KCNJ6: variants seen among roughly 807,000 people sequenced by gnomAD.
KCNJ6 encodes potassium inwardly rectifying channel subfamily J member 6.
A neutral mutation model predicts 34.2 loss-of-function variants in KCNJ6; 9 were observed. That is an observed-to-expected ratio of 0.26 (90% CI 0.16 to 0.46). KCNJ6 has a LOEUF of 0.46. Among genes scored for constraint, KCNJ6 ranks in the 20% least tolerant of loss-of-function variants. The pLI is 1.00. For missense variants in KCNJ6, 236 were observed against 531.3 expected (o/e 0.44, Z 5.46); for synonymous variants, 196 against 207.1 (o/e 0.95, Z 0.46).
At chr21:37,747,703 G>A (rs1010076460) in intron 2 of KCNJ6, among the ~76,000 whole-genome samples, 16 of 152,108 alleles carry the variant, frequency 1.1e-4, no homozygotes, top group Non-Finnish European at 2.1e-4. Context: ...TTTGAGGGGG[G>A]AGGAGGGGGC....
chr21:37,779,925 C>T (rs1049852106), intron 2 of KCNJ6, among the ~76,000 whole-genome samples: 1 of 152,214 alleles, frequency 6.6e-6, no homozygotes, highest in East Asian at 1.9e-4. Context: ...ATATCTTAAA[C>T]CAAGATGTGG....
In KCNJ6 at chr21:37,698,567, TTGCCCAGGCTAGAG is replaced by T. The variant is rs532968488; in HGVS notation, c.946+15630_946+15643del. Among the ~76,000 whole-genome samples, 326 of 152,370 alleles carry T rather than the reference TTGCCCAGGCTAGAG, an allele frequency of 2.1e-3. 2 individuals carry two copies. The highest frequency in any genetic ancestry group is 7.4e-3 in the African/African-American group (306 of 41,592). On this transcript the variant is annotated intron_variant, in intron 3 of 3. Transcript: ENST00000609713. ...TTGTTTGAGACAGGATCTCGCTCTG[TTGCCCAGGCTAGAG>T]TGCAGTGGCACCATCATAGCTCACT...
At chr21:37,736,891 C>T (rs1338520004) in intron 2 of KCNJ6, among the ~76,000 whole-genome samples, 1 of 152,194 alleles carries the variant, frequency 6.6e-6, no homozygotes, top group Non-Finnish European at 1.5e-5. Context: ...CTGGAGGCAC[C>T]GTCCTTAATA....
chr21:37,687,236 C>T (rs746585778), intron 3 of KCNJ6, among the ~76,000 whole-genome samples: 14 of 152,070 alleles, frequency 9.2e-5, no homozygotes, highest in Admixed American at 3.3e-4. Flanking sequence ...GCGTCCCAGC[C>T]GGTATCTCAG....
At chr21:37,799,572 C>T (rs1408018072) in intron 2 of KCNJ6, among the ~76,000 whole-genome samples, 2 of 152,150 alleles carry the variant, frequency 1.3e-5, no homozygotes, top group African/African-American at 4.8e-5. Flanking sequence ...AAAAATAATG[C>T]CTCAGTGAAC....
intron 1 of KCNJ6, among the ~76,000 whole-genome samples, chr21:37,897,036 C>T (rs752432196): frequency 3.9e-5 from 6 of 152,190 alleles, no homozygotes; most frequent in Non-Finnish European, 8.8e-5. Flanking sequence ...GTAGCTGGTT[C>T]GTGTGGGAGG....
chr21:37,873,178 C>T (rs1449551742), intron 1 of KCNJ6, among the ~76,000 whole-genome samples: 2 of 152,296 alleles, frequency 1.3e-5, no homozygotes, highest in Admixed American at 1.3e-4. Context: ...GCTCACCCAG[C>T]ACAACATCAC....
chr21:37,755,278 T>C (rs1262352839), intron 2 of KCNJ6, among the ~76,000 whole-genome samples: 1 of 151,478 alleles, frequency 6.6e-6, no homozygotes, highest in Non-Finnish European at 1.5e-5. Context: ...CTATGTTCAG[T>C]GGCAAAATGA....
At chr21:37,818,489 CGACTCAGGCTTT>C (rs1339725796) in intron 2 of KCNJ6, among the ~76,000 whole-genome samples, 1 of 151,956 alleles carries the variant, frequency 6.6e-6, no homozygotes, top group African/African-American at 2.4e-5. Context: ...ATGTTTTACC[CGACTCAGGCTTT>C]GACGGCCTGC....
At chr21:37,769,838 T>C (rs1483690366) in intron 2 of KCNJ6, among the ~76,000 whole-genome samples, 1 of 152,154 alleles carries the variant, frequency 6.6e-6, no homozygotes, top group African/African-American at 2.4e-5. Context: ...AGAGGCTTCA[T>C]GCAGCGTTAA....
intron 3 of KCNJ6, among the ~76,000 whole-genome samples, chr21:37,693,925 AT>A (rs10708287): frequency 0.42 from 54,566 of 128,496 alleles, 10,034 homozygotes; most frequent in Admixed American, 0.46. Flanking sequence ...ATTATTTACC[AT>A]TTTTTTTTTA....
chr21:37,760,713 G>C (rs1355652009), intron 2 of KCNJ6, among the ~76,000 whole-genome samples: 2 of 152,202 alleles, frequency 1.3e-5, no homozygotes, highest in African/African-American at 2.4e-5. Flanking sequence ...TATGTTTTGG[G>C]ATGCAAGAAA....
chr21:37,770,758 G>C (rs1414135412), intron 2 of KCNJ6, among the ~76,000 whole-genome samples: 1 of 152,196 alleles, frequency 6.6e-6, no homozygotes, highest in East Asian at 1.9e-4. Context: ...TCATAAACCA[G>C]TTGCAGAAAT....
intron 3 of KCNJ6, among the ~76,000 whole-genome samples, chr21:37,635,737 G>A (rs1239205741): frequency 1.3e-5 from 2 of 152,002 alleles, no homozygotes; most frequent in Non-Finnish European, 2.9e-5. Flanking sequence ...GGCTGGTCAC[G>A]AGTTTCCAAG....
intron 2 of KCNJ6, among the ~76,000 whole-genome samples, chr21:37,782,043 G>C (rs768364114): frequency 2.6e-4 from 39 of 152,192 alleles, no homozygotes; most frequent in Non-Finnish European, 4.1e-4. Flanking sequence ...GATTACCCAA[G>C]TGGGCCCAGT....
intron 3 of KCNJ6, among the ~76,000 whole-genome samples, chr21:37,657,402 G>T (rs771517723): frequency 6.6e-6 from 1 of 152,208 alleles, no homozygotes; most frequent in African/African-American, 2.4e-5. Context: ...AAACCTTAGG[G>T]GTGGGTCTGG....
chr21:37,795,562 T>C (rs2055237139), intron 2 of KCNJ6, among the ~76,000 whole-genome samples: 1 of 151,808 alleles, frequency 6.6e-6, no homozygotes, highest in Non-Finnish European at 1.5e-5. Flanking sequence ...CTGGCCAACA[T>C]GGTGAAAACC....
intron 2 of KCNJ6, among the ~76,000 whole-genome samples, chr21:37,792,053 G>A (rs2055219343): frequency 6.6e-6 from 1 of 152,172 alleles, no homozygotes; most frequent in East Asian, 1.9e-4. Flanking sequence ...CTCCATCAGC[G>A]GTCCAGTTGT....
At chr21:37,684,387 T>C (rs1783051) in intron 3 of KCNJ6, among the ~76,000 whole-genome samples, 146,142 of 152,020 alleles carry the variant, frequency 0.96, 70,379 homozygotes, top group Middle Eastern at 1. Context: ...CATCGGACTA[T>C]GGTCTGCTCT....
Sources: allele counts gnomAD v4.1 joint callset (sites outside exome capture counted in the v4.1 genomes callset), GRCh38; gene constraint gnomAD v4.1.1; transcripts MANE v1.5; gene names NCBI Gene and HGNC (gene_info 2026-07-23, HGNC 2026-07-21).